Variants in NCEH1 observed in about 807,000 individuals in gnomAD.
NCEH1 encodes 2-acetyl MAGE hydrolase.
A neutral mutation model predicts 25.4 loss-of-function variants in NCEH1; 9 were observed. The ratio of observed to expected loss-of-function variants is 0.35; its 90% confidence interval spans 0.21 to 0.62. NCEH1 has a LOEUF of 0.62. NCEH1 is among the 20% of genes least tolerant of loss of function. The pLI, the probability that NCEH1 is intolerant of heterozygous loss-of-function variation, is 0.72. For synonymous variants in NCEH1, 200 were observed against 199.8 expected (o/e 1.00, Z -0.01); for missense variants, 412 against 501.1 (o/e 0.82, Z 1.70).
intron 3 of NCEH1, 76 bp from the exon 4 acceptor site, chr3:172,636,163 G>C (rs1716590484): frequency 1.1e-6 from 1 of 935,194 alleles, no homozygotes; most frequent in Admixed American, 2.2e-5. Flanking sequence ...ATGGAAACTG[G>C]TTCTTTTAAA....
chr3:172,675,406 G>T (rs1404539495), intron 1 of NCEH1, among the ~76,000 whole-genome samples: 1 of 151,148 alleles, frequency 6.6e-6, no homozygotes, highest in Non-Finnish European at 1.5e-5. Flanking sequence ...TAACAAACCT[G>T]CACATTGTGC....
chr3:172,681,356 T>C (rs571563656), intron 1 of NCEH1: 1 of 152,074 alleles, frequency 6.6e-6, no homozygotes, highest in Admixed American at 6.6e-5. Flanking sequence ...CTGATGTTCT[T>C]ACACTAAAGT....
At chr3:172,672,053 C>T (rs1366726160) in intron 1 of NCEH1, among the ~76,000 whole-genome samples, 2 of 152,204 alleles carry the variant, frequency 1.3e-5, no homozygotes, top group Non-Finnish European at 2.9e-5. Context: ...AATTCTACTC[C>T]TGCAAGCTCC....
chr3:172,704,962 C>T (rs1713894654), intron 1 of NCEH1, among the ~76,000 whole-genome samples: 1 of 152,204 alleles, frequency 6.6e-6, no homozygotes, highest in Non-Finnish European at 1.5e-5. Context: ...CACAGGATTT[C>T]AATCCATGTT....
intron 1 of NCEH1, among the ~76,000 whole-genome samples, chr3:172,652,323 C>T (rs1249146633): frequency 6.6e-6 from 1 of 152,124 alleles, no homozygotes; most frequent in South Asian, 2.1e-4. Context: ...TTATATGTAC[C>T]CAAGAGTTCA....
At chr3:172,693,623 T>C (rs1334095780) in intron 1 of NCEH1, among the ~76,000 whole-genome samples, 1 of 152,230 alleles carries the variant, frequency 6.6e-6, no homozygotes, top group Non-Finnish European at 1.5e-5. Context: ...TTAATGTTTT[T>C]AGAGTAATTG....
At chr3:172,685,932 C>T (rs1049804501) in intron 1 of NCEH1, among the ~76,000 whole-genome samples, 1 of 152,180 alleles carries the variant, frequency 6.6e-6, no homozygotes, top group African/African-American at 2.4e-5. Context: ...CCCAAACATT[C>T]TACAGAACAG....
chr3:172,707,238 T>G (rs557087586), intron 1 of NCEH1, among the ~76,000 whole-genome samples: 19 of 152,324 alleles, frequency 1.2e-4, no homozygotes, highest in African/African-American at 3.4e-4. Context: ...TCTCTTCTTT[T>G]GTTCCTCTAG....
At position 172,636,033 on chromosome 3, in the gene NCEH1, C is replaced by A; in HGVS notation, c.492G>T (p.Arg164=). ...CTGGCTTCAGGAAATACTTTGTGGC[C>A]CGTACAACATCATGAATTTGCTCAG... is the stretch of plus-strand genomic sequence containing the variant. ...YFPEQIHDVV[R]ATKYFLKPEV... is the part of the protein sequence containing the mutation. The change falls in exon 4 of 5, where the codon CGG becomes CGT. Residue 164 remains arginine (R), a synonymous_variant. Coordinates refer to ENST00000475381, the MANE Select transcript of NCEH1 (RefSeq NM_020792.6). The A allele has an allele frequency of 6.2e-7, 1 of 1,614,032 alleles. No homozygotes were observed. The highest frequency in any genetic ancestry group is 1.1e-5 in the South Asian group (1 of 91,072).
chr3:172,674,344 G>A (rs10936726), intron 1 of NCEH1, among the ~76,000 whole-genome samples: 26,320 of 151,348 alleles, frequency 0.17, 2,512 homozygotes, highest in Middle Eastern at 0.23. Flanking sequence ...TCAGGAGGCT[G>A]AGGCAGAAGA....
intron 3 of NCEH1, among the ~76,000 whole-genome samples, chr3:172,641,359 A>G (rs1318532258): frequency 6.6e-6 from 1 of 152,180 alleles, no homozygotes; most frequent in African/African-American, 2.4e-5. Context: ...CAAGGACTTC[A>G]CCTATCAGTC....
chr3:172,665,984 T>C (rs925361889), intron 1 of NCEH1, among the ~76,000 whole-genome samples: 1 of 152,188 alleles, frequency 6.6e-6, no homozygotes, highest in Admixed American at 6.5e-5. Flanking sequence ...ACTCCGTGGC[T>C]GCACCCACTG....
chr3:172,646,139 G>A (rs1420779023), intron 2 of NCEH1, among the ~76,000 whole-genome samples: 3 of 152,160 alleles, frequency 2.0e-5, no homozygotes, highest in African/African-American at 7.2e-5. Flanking sequence ...ATCATTTGAG[G>A]TCAGAAGTTT....
intron 1 of NCEH1, among the ~76,000 whole-genome samples, chr3:172,704,971 T>C (rs1398417782): frequency 6.6e-6 from 1 of 152,242 alleles, no homozygotes; most frequent in Non-Finnish European, 1.5e-5. Flanking sequence ...TCAATCCATG[T>C]TAAGTCTAGG....
At chr3:172,664,214 T>G (rs1188034538) in intron 1 of NCEH1, among the ~76,000 whole-genome samples, 1 of 152,212 alleles carries the variant, frequency 6.6e-6, no homozygotes, top group Non-Finnish European at 1.5e-5. Context: ...CTCCTTCACT[T>G]ATGAAGCTTA....
At chr3:172,644,919 G>A (rs1717045962) in intron 3 of NCEH1, among the ~76,000 whole-genome samples, 1 of 151,080 alleles carries the variant, frequency 6.6e-6, no homozygotes, top group Non-Finnish European at 1.5e-5. Context: ...AGAGGAACGT[G>A]GGTTGCAATT....
intron 2 of NCEH1, among the ~76,000 whole-genome samples, chr3:172,647,517 G>A (rs1717174857): frequency 6.6e-6 from 1 of 152,208 alleles, no homozygotes; most frequent in African/African-American, 2.4e-5. Context: ...TTCCCCATAT[G>A]CGTGCCTGGT....
intron 1 of NCEH1, among the ~76,000 whole-genome samples, chr3:172,707,734 T>C (rs535936131): frequency 4.1e-4 from 62 of 152,268 alleles, no homozygotes; most frequent in African/African-American, 1.3e-3. Context: ...TACAGGAGCC[T>C]GCCACCACGC....
chr3:172,688,601 A>G (rs1414799037), intron 1 of NCEH1, among the ~76,000 whole-genome samples: 2 of 152,216 alleles, frequency 1.3e-5, no homozygotes, highest in Non-Finnish European at 2.9e-5. Context: ...AGATGAGATG[A>G]TATCATATTT....
Sources: gnomAD v4.1 joint callset for allele counts (sites outside exome capture counted in the v4.1 genomes callset) on GRCh38, gnomAD v4.1.1 for gene constraint, MANE v1.5 for transcripts, NCBI Gene and HGNC (gene_info 2026-07-23, HGNC 2026-07-21) for gene names.